Variants in BMPER observed in about 807,000 individuals in gnomAD.
BMPER encodes the protein BMP-binding endothelial regulator protein.
A neutral mutation model predicts 87.3 loss-of-function variants in BMPER; 45 were observed. The observed-to-expected ratio is 0.52, with a 90% confidence interval of 0.41 to 0.66. The LOEUF is 0.66. BMPER is among the 30% of genes least tolerant of loss of function. BMPER has a pLI of 0.00. For synonymous variants in BMPER, 326 were observed against 316.2 expected, an observed-to-expected ratio of 1.03 and a Z score of -0.33; for missense variants, 784 against 867.5, an observed-to-expected ratio of 0.90 and a Z score of 1.21.
intron 13 of BMPER, among the ~76,000 whole-genome samples, chr7:34,107,898 C>A (rs1178437398): frequency 1.3e-5 from 2 of 152,168 alleles, no homozygotes; most frequent in Non-Finnish European, 2.9e-5. Context: ...TTTAAATGTT[C>A]TAGACCTCAA....
chr7:34,113,379 C>G (rs1790030922), intron 13 of BMPER, among the ~76,000 whole-genome samples: 1 of 151,852 alleles, frequency 6.6e-6, no homozygotes, highest in African/African-American at 2.4e-5. Flanking sequence ...TATAGGTTTT[C>G]CCTTTCCATT....
At chr7:34,111,352 A>G (rs1158124581) in intron 13 of BMPER, among the ~76,000 whole-genome samples, 1 of 152,210 alleles carries the variant, frequency 6.6e-6, no homozygotes, top group Non-Finnish European at 1.5e-5. Context: ...TTGGTTCCCC[A>G]GTTACCTTTT....
chr7:33,923,798 GT>G (rs1388686031), intron 2 of BMPER, among the ~76,000 whole-genome samples: 1 of 152,172 alleles, frequency 6.6e-6, no homozygotes, highest in African/African-American at 2.4e-5. Context: ...TAAGCATTAT[GT>G]TTTATTGGTT....
chr7:33,917,723 C>A (rs992812902), intron 2 of BMPER, among the ~76,000 whole-genome samples: 1 of 152,156 alleles, frequency 6.6e-6, no homozygotes, highest in Non-Finnish European at 1.5e-5. Context: ...TGAAAACACG[C>A]CTTTCCAAAA....
Position 34,141,481 on chromosome 7 carries a change from G to A in BMPER, c.1746-1749G>A, listed in dbSNP as rs137987054. 5.1e-3 allele frequency among the ~76,000 whole-genome samples: 775 copies of A among 151,916 alleles called. 11 individuals carry two copies. The highest frequency in any genetic ancestry group is 0.018 in the African/African-American group (739 of 41,430). Reference sequence around the variant, plus strand: ...AAAAAATTAGCCTGGCATGGTGGTGGGCACCTGAATTCCAGCTACTTGGGA... The same window carrying A: ...AAAAAATTAGCCTGGCATGGTGGTGAGCACCTGAATTCCAGCTACTTGGGA... On this transcript the variant is annotated intron_variant, in intron 13 of 14. Transcript: ENST00000649409.
At chr7:33,949,802 G>A (rs948491737) in intron 3 of BMPER, among the ~76,000 whole-genome samples, 5 of 152,072 alleles carry the variant, frequency 3.3e-5, no homozygotes, top group African/African-American at 1.2e-4. Context: ...AAAAACAAGA[G>A]GGATTTCTTT....
Position 34,079,157 on chromosome 7 carries a change from G to T in BMPER, c.1379G>T (p.Gly460Val). ...CCACACTTCCACATCGACCTGGATG[G>T]CTACCTCTTGAAAGTGACCACCAAA... ...RAPHFHIDLD[G>V]YLLKVTTKAG... The change falls in exon 12 of 15, where the codon GGC becomes GTC. Residue 460 changes from glycine to valine, a missense_variant. Physicochemically the swap from Gly to Val is moderately radical, Grantham distance 109. Coordinates refer to ENST00000649409, the MANE Select transcript of BMPER (RefSeq NM_001365308.1). 1 of 1,613,840 alleles carries T rather than the reference G, an allele frequency of 6.2e-7. No individual in the cohort carries two copies. The highest frequency in any genetic ancestry group is 1.1e-5 in the South Asian group (1 of 91,082).
rs886062306 is a variant in BMPER at position 34,155,198 on chromosome 7, G to GA, written c.*1929dup. 6.6e-6 allele frequency: 1 copy of GA among 152,192 alleles called. No individual in the cohort carries two copies. The highest frequency in any genetic ancestry group is 1.5e-5 in the Non-Finnish European group (1 of 68,042). The allele number at this position is 152,192 out of a possible 1,614,324, so 9.4% of individuals were successfully genotyped here. On this transcript the variant is annotated 3_prime_UTR_variant, in exon 15 of 15. Transcript: ENST00000649409. ...GCTCTGCCCTGACAGGAGGGGTAGGGAAAATCAGTTGACGTTGCCTGGTGG... is the reference window on the plus strand; with the variant it reads ...GCTCTGCCCTGACAGGAGGGGTAGGGAAAAATCAGTTGACGTTGCCTGGTGG...
intron 6 of BMPER, among the ~76,000 whole-genome samples, chr7:33,999,264 C>A (rs920028874): frequency 7.2e-5 from 11 of 152,184 alleles, no homozygotes; most frequent in Admixed American, 7.2e-4. Flanking sequence ...AGAGGATGTG[C>A]AACTTGGTGA....
intron 13 of BMPER, among the ~76,000 whole-genome samples, chr7:34,112,063 C>T (rs948480313): frequency 6.6e-5 from 10 of 152,000 alleles, no homozygotes; most frequent in African/African-American, 1.2e-4. Context: ...TAGAAACTTT[C>T]GTATAAGTTT....
At chr7:33,991,000 C>T (rs1248622177) in intron 6 of BMPER, among the ~76,000 whole-genome samples, 4 of 139,308 alleles carry the variant, frequency 2.9e-5, no homozygotes, top group Non-Finnish European at 6.2e-5. Flanking sequence ...TTTTGATGTG[C>T]TGCTGGATTC....
intron 3 of BMPER, among the ~76,000 whole-genome samples, chr7:33,963,788 C>T (rs191220692): frequency 2.9e-4 from 44 of 152,080 alleles, no homozygotes; most frequent in Admixed American, 1.6e-3. Context: ...AGCAAAACTC[C>T]GTCTCAAAAC....
At chr7:34,010,640 A>T (rs1245337597) in intron 6 of BMPER, among the ~76,000 whole-genome samples, 1 of 152,044 alleles carries the variant, frequency 6.6e-6, no homozygotes, top group East Asian at 1.9e-4. Context: ...ACAAGTATCC[A>T]CTGATATAAC....
chr7:34,078,775 C>T (rs1788931888), intron 11 of BMPER, 82 bp from the exon 12 acceptor site: 1 of 1,444,154 alleles, frequency 6.9e-7, no homozygotes, highest in Non-Finnish European at 9.7e-7. Context: ...AAGGCTTCCC[C>T]TTACCCAGCA....
chr7:34,050,526 AT>A (rs1788122687), intron 7 of BMPER, among the ~76,000 whole-genome samples: 1 of 152,220 alleles, frequency 6.6e-6, no homozygotes. Flanking sequence ...ACTAACAGTT[AT>A]TCCAACAACT....
chr7:34,114,357 C>T (rs536384748), intron 13 of BMPER, among the ~76,000 whole-genome samples: 4 of 152,162 alleles, frequency 2.6e-5, no homozygotes, highest in Non-Finnish European at 4.4e-5. Context: ...GTCTGTTCTT[C>T]GAACCAGATT....
chr7:34,144,333 C>T (rs916388422), intron 14 of BMPER, among the ~76,000 whole-genome samples: 5 of 151,624 alleles, frequency 3.3e-5, no homozygotes, highest in East Asian at 1.9e-4. Context: ...AGCTGAATCA[C>T]GCAGGACTTG....
intron 3 of BMPER, among the ~76,000 whole-genome samples, chr7:33,947,855 T>C (rs1784924837): frequency 6.6e-6 from 1 of 152,160 alleles, no homozygotes; most frequent in Non-Finnish European, 1.5e-5. Flanking sequence ...AAGATGATCA[T>C]GGCTTTCAGA....
At chr7:33,923,278 CCTTT>C (rs1288795329) in intron 2 of BMPER, among the ~76,000 whole-genome samples, 1 of 152,132 alleles carries the variant, frequency 6.6e-6, no homozygotes. Flanking sequence ...TTTCCCTTTC[CCTTT>C]CTTTCTATTA....
Sources: allele counts gnomAD v4.1 joint callset (sites outside exome capture counted in the v4.1 genomes callset), GRCh38; gene constraint gnomAD v4.1.1; transcripts MANE v1.5; gene names NCBI Gene and HGNC (gene_info 2026-07-23, HGNC 2026-07-21).